Variants in CUL3 observed in about 807,000 individuals in gnomAD.
CUL3 encodes the protein cullin-3.
Under a neutral mutation model 89.1 loss-of-function variants are expected in CUL3, and 19 were observed. The ratio of observed to expected loss-of-function variants is 0.21; its 90% CI spans 0.15 to 0.31. CUL3 has a LOEUF of 0.31. Ranked by LOEUF, CUL3 falls within the 10% of genes least tolerant of loss-of-function variation. CUL3 has a pLI of 1.00. For missense variants in CUL3, 469 were observed against 942.3 expected, an observed-to-expected ratio of 0.50 and a Z score of 6.58; for synonymous variants, 351 against 308.4, an observed-to-expected ratio of 1.14 and a Z score of -1.45.
chr2:224,569,867 A>G (rs2106319977), intron 1 of CUL3: 1 of 949,636 alleles, frequency 1.1e-6, no homozygotes, highest in South Asian at 4.8e-5. Context: ...AAAGGGTGAG[A>G]ATTTGAAATT....
At chr2:224,500,658 G>A (rs186008976) in intron 10 of CUL3, among the ~76,000 whole-genome samples, 171 bp from the exon 11 acceptor site, 5 of 135,176 alleles carry the variant, frequency 3.7e-5, no homozygotes, top group East Asian at 2.1e-4. Flanking sequence ...ACAGAGTTTC[G>A]CTCGTTGCCC....
chr2:224,527,691 T>C (rs1693528714), intron 3 of CUL3, among the ~76,000 whole-genome samples: 1 of 152,210 alleles, frequency 6.6e-6, no homozygotes, highest in Admixed American at 6.5e-5. Flanking sequence ...ATCTTTTTCT[T>C]CCCACCTCTC....
At chr2:224,546,876 T>G (rs916070493) in intron 2 of CUL3, among the ~76,000 whole-genome samples, 8 of 152,130 alleles carry the variant, frequency 5.3e-5, no homozygotes. Flanking sequence ...TCTCTAATAA[T>G]CCCTTTTCCA....
intron 1 of CUL3, among the ~76,000 whole-genome samples, chr2:224,582,456 A>C (rs1419871111): frequency 6.6e-6 from 1 of 152,228 alleles, no homozygotes; most frequent in Non-Finnish European, 1.5e-5. Flanking sequence ...AAAGGGCCAT[A>C]AACTGTAATA....
At position 224,534,319 on chromosome 2, in the gene CUL3, G is replaced by A. The variant is rs73077729; in HGVS notation, c.378+1209C>T. On this transcript the variant is annotated intron_variant, in intron 3 of 15. Coordinates refer to ENST00000264414, the MANE Select transcript of CUL3 (RefSeq NM_003590.5). ...ATGAAAACAAAATACAGCAATAGCC[G>A]GTGAAAAATGGAATATACATGTGAA... Among the ~76,000 whole-genome samples, 614 of 152,092 alleles carry A rather than the reference G, an allele frequency of 4.0e-3. 1 individual carries two copies. The highest frequency in any genetic ancestry group is 0.014 in the African/African-American group (576 of 41,488).
chr2:224,542,564 T>C (rs1363760951), intron 2 of CUL3, among the ~76,000 whole-genome samples: 2 of 151,832 alleles, frequency 1.3e-5, no homozygotes, highest in African/African-American at 4.8e-5. Context: ...TGCGTGTGTG[T>C]GTGTGTGCGC....
chr2:224,481,450 A>C (rs571576214), intron 14 of CUL3, among the ~76,000 whole-genome samples: 1 of 152,064 alleles, frequency 6.6e-6, no homozygotes, highest in Non-Finnish European at 1.5e-5. Context: ...ATTAAAGAGG[A>C]TATGGGTTTT....
rs904897265 is a variant in CUL3 at position 224,584,956 on chromosome 2, G to A, written c.54C>T (p.Ile18=). ...AGGAGAGACTCACCGGAAAGGCCCGGATCCGCATCTTGGTGTCCTTCCGGC... is the reference window on the plus strand; with the variant it reads ...AGGAGAGACTCACCGGAAAGGCCCGAATCCGCATCTTGGTGTCCTTCCGGC... The part of the protein sequence containing the change: ...TGSRKDTKMR[I]RAFPMTMDEK... Residue 18 remains isoleucine (I), a synonymous_variant, in exon 1 of 16, where the codon ATC becomes ATT. Coordinates refer to ENST00000264414, the MANE Select transcript of CUL3 (RefSeq NM_003590.5). 6.7e-7 allele frequency: 1 copy of A among 1,503,232 alleles called. No individual in the cohort carries two copies. Among genetic ancestry groups the A allele is most frequent in the South Asian group, 1.2e-5 (1 of 84,792 alleles). The allele number at this position is 1,503,232 out of a possible 1,614,324, so 93.1% of individuals were successfully genotyped here. A position where few individuals can be genotyped will look rare whatever the true frequency, so the allele number is the denominator to read the frequency against.
Position 224,472,702 on chromosome 2 carries a change from A to G in CUL3, c.*1543T>C, listed in dbSNP as rs1263878414. ...ATGGAGACAAAATTGCAATAAAAGC[A>G]TATTTGCAAGTCTAAAAGGAAAATT... On this transcript the variant is annotated 3_prime_UTR_variant, in exon 16 of 16. Transcript: ENST00000264414. 1 of 194,390 alleles carries G rather than the reference A, an allele frequency of 5.1e-6. No homozygotes were observed. Among genetic ancestry groups the G allele is most frequent in the Non-Finnish European group, 1.1e-5 (1 of 93,128 alleles). The allele number at this position is 194,390 out of a possible 1,614,324, so 12.0% of individuals were successfully genotyped here. A position where few individuals can be genotyped will look rare whatever the true frequency, so the allele number is the denominator to read the frequency against.
At chr2:224,525,719 T>C (rs1371010008) in intron 3 of CUL3, among the ~76,000 whole-genome samples, 1 of 152,218 alleles carries the variant, frequency 6.6e-6, no homozygotes, top group Non-Finnish European at 1.5e-5. Context: ...AGTAGCAGTG[T>C]TGGGGAGACT....
chr2:224,552,466 G>C (rs1359449957), intron 2 of CUL3, among the ~76,000 whole-genome samples: 1 of 152,138 alleles, frequency 6.6e-6, no homozygotes, highest in Non-Finnish European at 1.5e-5. Context: ...TAGAGAAACA[G>C]TACTTATATT....
chr2:224,499,782 C>A (rs1175047325), intron 11 of CUL3: 2 of 212,136 alleles, frequency 9.4e-6, no homozygotes, highest in Non-Finnish European at 2.0e-5. Context: ...GGGGGTGATA[C>A]ACTCATCTTC....
chr2:224,574,578 G>T (rs1301023722), intron 1 of CUL3, among the ~76,000 whole-genome samples: 1 of 152,194 alleles, frequency 6.6e-6, no homozygotes, highest in Non-Finnish European at 1.5e-5. Flanking sequence ...AAGGACCACA[G>T]AGGGAGCTTT....
Position 224,514,752 on chromosome 2 carries a change from T to C in CUL3, c.399A>G (p.Gln133=), listed in dbSNP as rs1241590140. The C allele has an allele frequency of 4.3e-6, 7 of 1,612,338 alleles. No homozygotes were observed. Among genetic ancestry groups the C allele is most frequent in the African/African-American group, 2.7e-5 (2 of 74,888 alleles). ...LMYMDRVYVQ[Q]NNVENVYNLG... is the part of the protein sequence containing the mutation. The stretch of plus-strand genomic sequence containing the variant: ...AATTGTAGACGTTCTCCACATTATT[T>C]TGTTGTACATACACACGGTCCTACA... The change falls in exon 4 of 16, where the codon CAA becomes CAG. Residue 133 remains glutamine (Q), a synonymous_variant. Coordinates refer to ENST00000264414, the MANE Select transcript of CUL3 (RefSeq NM_003590.5).
At chr2:224,515,012 A>T (rs1034890577) in intron 3 of CUL3, among the ~76,000 whole-genome samples, 1 of 152,224 alleles carries the variant, frequency 6.6e-6, no homozygotes, top group Non-Finnish European at 1.5e-5. Context: ...AAAAGGGTAA[A>T]AAGTAAGCAT....
At chr2:224,502,100 A>G (rs1692414867) in intron 10 of CUL3, among the ~76,000 whole-genome samples, 1 of 152,236 alleles carries the variant, frequency 6.6e-6, no homozygotes, top group Non-Finnish European at 1.5e-5. Context: ...TTTACATTAG[A>G]GTCAGAATGT....
chr2:224,553,715 G>A (rs1694601566), intron 2 of CUL3, among the ~76,000 whole-genome samples: 1 of 152,126 alleles, frequency 6.6e-6, no homozygotes, highest in Non-Finnish European at 1.5e-5. Flanking sequence ...CTCCCTCCCT[G>A]CCCTGTGAAG....
intron 2 of CUL3, among the ~76,000 whole-genome samples, chr2:224,541,093 A>G (rs1694085991): frequency 6.6e-6 from 1 of 152,196 alleles, no homozygotes. Flanking sequence ...ATAATTTATA[A>G]AAGAAAAAAT....
chr2:224,484,644 T>C (rs959855393), intron 13 of CUL3, among the ~76,000 whole-genome samples: 1 of 152,220 alleles, frequency 6.6e-6, no homozygotes, highest in Non-Finnish European at 1.5e-5. Context: ...ATTTCTCACA[T>C]TAAGGTTACC....
Sources: gnomAD v4.1 joint callset for allele counts (sites outside exome capture counted in the v4.1 genomes callset) on GRCh38, gnomAD v4.1.1 for gene constraint, MANE v1.5 for transcripts, NCBI Gene and HGNC (gene_info 2026-07-23, HGNC 2026-07-21) for gene names.